Variants in PITPNM1 observed in about 807,000 individuals in gnomAD.
The protein encoded by PITPNM1 is phosphatidylinositol transfer protein membrane associated 1.
Under a neutral mutation model 133.3 loss-of-function variants are expected in PITPNM1, and 74 were observed. The observed-to-expected ratio is 0.56, with a 90% CI of 0.46 to 0.67. The LOEUF is 0.67. Among genes scored for constraint, PITPNM1 ranks in the 30% least tolerant of loss-of-function variants. The probability of loss-of-function intolerance (pLI) is 0.00; values close to 1 mark genes in which losing one functional copy is unlikely to be tolerated. For missense variants in PITPNM1, 1,398 were observed against 1,739.5 expected, an observed-to-expected ratio of 0.80 and a Z score of 3.49; for synonymous variants, 738 against 741.4, an observed-to-expected ratio of 1.00 and a Z score of 0.08.
chr11:67,493,981 G>C lies in PITPNM1; in HGVS notation c.2949C>G (p.Phe983Leu). The change falls in exon 20 of 24, where the codon TTC (phenylalanine) becomes TTG (leucine). Residue 983 changes from phenylalanine to leucine, a missense_variant. By Grantham distance (22) the Phe-to-Leu change is conservative (BLOSUM62 0). Coordinates refer to ENST00000356404, the MANE Select transcript of PITPNM1 (RefSeq NM_004910.3). ...CCAGCGCGCGTTCTGGGGGAACTGG[G>C]AAGGTGAGGCGGCCCGAGCTATTGG... ...EVTNSSGRLT[F>L]PVPPERALGI... The C allele has an allele frequency of 6.2e-7, 1 of 1,612,032 alleles. No individual in the cohort carries two copies. Among genetic ancestry groups the C allele is most frequent in the Non-Finnish European group, 8.5e-7 (1 of 1,179,604 alleles).
chr11:67,492,118 T>A lies in PITPNM1; in HGVS notation c.3650A>T (p.Glu1217Val). 1 of 1,612,112 alleles carries A rather than the reference T, an allele frequency of 6.2e-7. No homozygotes were observed. The highest frequency in any genetic ancestry group is 8.5e-7 in the Non-Finnish European group (1 of 1,179,830). The change falls in exon 24 of 24, where the codon GAG becomes GTG. Residue 1217 changes from glutamate (E) to valine (V), a missense_variant. By Grantham distance (121) the Glu-to-Val change is moderately radical. Coordinates refer to ENST00000356404, the MANE Select transcript of PITPNM1 (RefSeq NM_004910.3). Reference sequence around the variant, plus strand: ...GGGTGGTGTTCCCGGGCCCTCACGCTCCGCCTGGCTGGGGCCCCTCGAGCG... The same window carrying A: ...GGGTGGTGTTCCCGGGCCCTCACGCACCGCCTGGCTGGGGCCCCTCGAGCG... ...LLRSRGPSQAEREGPGTPPTT... is the reference protein window; with the variant it reads ...LLRSRGPSQAVREGPGTPPTT...
Position 67,494,920 on chromosome 11 carries a change from C to A in PITPNM1, c.2668G>T (p.Glu890Ter). 6.2e-7 allele frequency: 1 copy of A among 1,612,914 alleles called. No homozygotes were observed. Among genetic ancestry groups the A allele is most frequent in the Non-Finnish European group, 8.5e-7 (1 of 1,179,824 alleles). ...EKERPQLAEC[E>*]EPSIYSPAFP... ...GCCGGGCTGTAGATGGACGGCTCCT[C>A]GCATTCCGCCAGCTGTGGCCGCTCC... The change falls in exon 18 of 24, where the codon GAG becomes TAG. Residue 890 changes from glutamate (E) to a stop codon, truncating the protein, a stop_gained. Coordinates refer to ENST00000356404, the MANE Select transcript of PITPNM1 (RefSeq NM_004910.3). LOFTEE classifies it high-confidence loss of function.
At position 67,491,927 on chromosome 11, in the gene PITPNM1, G is replaced by A. The variant is rs1865936654; in HGVS notation, c.*106C>T. ...GGAGATATAGGGTGTGGGGCTGGGG[G>A]GGCCAGCGCTGGGGCCAAAAGTCTG... On this transcript the variant is annotated 3_prime_UTR_variant, in exon 24 of 24. Coordinates refer to ENST00000356404, the MANE Select transcript of PITPNM1 (RefSeq NM_004910.3). 2.4e-6 allele frequency: 3 copies of A among 1,268,516 alleles called. No homozygotes were observed. Among genetic ancestry groups the A allele is most frequent in the African/African-American group, 1.5e-5 (1 of 67,316 alleles). The allele number at this position is 1,268,516 out of a possible 1,614,324, so 78.6% of individuals were successfully genotyped here. A position where few individuals can be genotyped will look rare whatever the true frequency, so the allele number is the denominator to read the frequency against.
chr11:67,494,897 C>A lies in PITPNM1; in HGVS notation c.2691G>T (p.Pro897=). 1 of 1,612,932 alleles carries A rather than the reference C, an allele frequency of 6.2e-7. No homozygotes were observed. The change falls in exon 18 of 24, where the codon CCG becomes CCT. Residue 897 remains proline, a synonymous_variant. Coordinates refer to ENST00000356404, the MANE Select transcript of PITPNM1 (RefSeq NM_004910.3). ...GCTGCCACTTCTCCCTGGGGAAGGCCGGGCTGTAGATGGACGGCTCCTCGC... is the reference window on the plus strand; with the variant it reads ...GCTGCCACTTCTCCCTGGGGAAGGCAGGGCTGTAGATGGACGGCTCCTCGC... The part of the protein sequence containing the change: ...AECEEPSIYS[P]AFPREKWQRK...
Position 67,498,390 on chromosome 11 carries a change from G to A in PITPNM1, c.1485-68C>T, listed in dbSNP as rs1866202849. The A allele has an allele frequency of 1.4e-6, 2 of 1,443,864 alleles. No homozygotes were observed. The highest frequency in any genetic ancestry group is 1.4e-5 in the African/African-American group (1 of 70,290). 89.4% of individuals were successfully genotyped at this position (1,443,864 alleles called of 1,614,324 possible). The stretch of plus-strand genomic sequence containing the variant: ...CCACTCCTGCCATCCAAGTCCCCTG[G>A]GCCTGCTGGCAGGCCCTGGCTCTGT... On this transcript the variant is annotated intron_variant, in intron 10 of 23. Coordinates refer to ENST00000356404, the MANE Select transcript of PITPNM1 (RefSeq NM_004910.3). This position sits in a 1 kb window ranked among gnomAD's most constrained non-coding sequence, Gnocchi z 5.7.
chr11:67,494,513 T>C (rs1453631062), intron 18 of PITPNM1, among the ~76,000 whole-genome samples, 153 bp from the exon 19 acceptor site: 4 of 151,784 alleles, frequency 2.6e-5, no homozygotes, highest in Non-Finnish European at 4.4e-5. Flanking sequence ...GGGCGCACTT[T>C]TGTGGACCCC....
At chr11:67,495,954 G>A (rs1008034989) in intron 15 of PITPNM1, among the ~76,000 whole-genome samples, 2 of 152,214 alleles carry the variant, frequency 1.3e-5, no homozygotes, top group African/African-American at 4.8e-5. Context: ...CTGCCAGGGG[G>A]CACCCTCTCT....
At position 67,502,795 on chromosome 11, in the gene PITPNM1, C is replaced by A; in HGVS notation, c.79-77G>T. On this transcript the variant is annotated intron_variant, in intron 2 of 23. Transcript: ENST00000356404. This position sits in a 1 kb window ranked among gnomAD's most constrained non-coding sequence, Gnocchi z 5.9. ...GGGATCCCCAGCTCAGCCTGGTGTT[C>A]TACACAGCTCTGGGGCCCTGGTCCC... The A allele has an allele frequency of 7.0e-7, 1 of 1,432,338 alleles. No individual in the cohort carries two copies. Among genetic ancestry groups the A allele is most frequent in the South Asian group, 1.2e-5 (1 of 85,112 alleles). 88.7% of individuals were successfully genotyped at this position (1,432,338 alleles called of 1,614,324 possible). A position where few individuals can be genotyped will look rare whatever the true frequency, so the allele number is the denominator to read the frequency against.
In PITPNM1 at chr11:67,493,761, C is replaced by G; in HGVS notation, c.3085G>C (p.Gly1029Arg). 1 of 1,549,142 alleles carries G rather than the reference C, an allele frequency of 6.5e-7. No individual in the cohort carries two copies. Residue 1029 changes from glycine (G) to arginine (R), a missense_variant, in exon 21 of 24, where the codon GGC (glycine) becomes CGC (arginine). By Grantham distance (125) the Gly-to-Arg change is moderately radical. Coordinates refer to ENST00000356404, the MANE Select transcript of PITPNM1 (RefSeq NM_004910.3). ...GTEAVVFSIDGSFTASVSIMG... is the reference protein window; with the variant it reads ...GTEAVVFSIDRSFTASVSIMG... Reference sequence around the variant, plus strand: ...ATGGAGACGCTGGCGGTGAAGGAGCCGTCGATGCTGAAGACCACAGCCTCC... The same window carrying G: ...ATGGAGACGCTGGCGGTGAAGGAGCGGTCGATGCTGAAGACCACAGCCTCC...
At chr11:67,493,304 C>T (rs1865996212) in intron 22 of PITPNM1, 106 bp downstream of exon 22, 5 of 1,296,026 alleles carry the variant, frequency 3.9e-6, no homozygotes, top group Non-Finnish European at 2.1e-6. Context: ...AGGCAGGGCC[C>T]GGGCCGATCC....
Position 67,504,292 on chromosome 11 carries a change from G to A in PITPNM1, c.-41-71C>T, listed in dbSNP as rs950872188. Reference sequence around the variant, plus strand: ...CGGCCCCGAGCCCTGCGCGCCGGCCGAGGGACTCAGGCCACGGGACCCCAT... The same window carrying A: ...CGGCCCCGAGCCCTGCGCGCCGGCCAAGGGACTCAGGCCACGGGACCCCAT... On this transcript the variant is annotated intron_variant, in intron 1 of 23. Coordinates refer to ENST00000356404, the MANE Select transcript of PITPNM1 (RefSeq NM_004910.3). This position sits in a 1 kb window ranked among gnomAD's most constrained non-coding sequence, Gnocchi z 5.4. The A allele has an allele frequency of 7.5e-6, 4 of 535,126 alleles. No homozygotes were observed. The highest frequency in any genetic ancestry group is 8.0e-5 in the East Asian group (2 of 25,128). The allele number at this position is 535,126 out of a possible 1,614,324, so 33.1% of individuals were successfully genotyped here.
chr11:67,498,331 G>A lies in PITPNM1; in HGVS notation c.1485-9C>T. 6.4e-7 allele frequency: 1 copy of A among 1,553,198 alleles called. No homozygotes were observed. The highest frequency in any genetic ancestry group is 8.7e-7 in the Non-Finnish European group (1 of 1,148,728). On this transcript the variant is annotated splice_polypyrimidine_tract_variant and intron_variant, in intron 10 of 23. Transcript: ENST00000356404. The surrounding 1 kb of genome is among the most constrained non-coding windows in gnomAD (Gnocchi z 5.7). ...GGCTGTAAGGGCTCAGGCTGTAGGAGGGGGAAATGTGCGTGGGTGAGGGGC... is the reference window on the plus strand; with the variant it reads ...GGCTGTAAGGGCTCAGGCTGTAGGAAGGGGAAATGTGCGTGGGTGAGGGGC...
rs201518458 is a variant in PITPNM1 at position 67,495,185 on chromosome 11, C to G, written c.2523G>C (p.Ser841=). 103 of 1,608,986 alleles carry G rather than the reference C, an allele frequency of 6.4e-5. No homozygotes were observed. Among genetic ancestry groups the G allele is most frequent in the Non-Finnish European group, 8.4e-5 (99 of 1,178,036 alleles). Residue 841 remains serine (S), a synonymous_variant, in exon 17 of 24, where the codon TCG becomes TCC. Transcript: ENST00000356404. ...RWWGTKRIDY[S]LYCPEALTAF... ...CGGTGAGCGCCTCGGGGCAGTACAG[C>G]GAGTAGTCGATCCGCTTGGTCCCCC...
chr11:67,502,196 G>C lies in PITPNM1; in HGVS notation c.415+96C>G. The stretch of plus-strand genomic sequence containing the variant: ...CCGTCCTTTTGCAGACAGGACATGA[G>C]GCCTGGAGAGGGCTGGGACTTCTCA... On this transcript the variant is annotated intron_variant, in intron 4 of 23. Transcript: ENST00000356404. The surrounding 1 kb of genome is among the most constrained non-coding windows in gnomAD (Gnocchi z 5.9). The C allele has an allele frequency of 1.3e-6, 2 of 1,562,630 alleles. No individual in the cohort carries two copies. Among genetic ancestry groups the C allele is most frequent in the Non-Finnish European group, 1.7e-6 (2 of 1,149,200 alleles).
Position 67,502,428 on chromosome 11 carries a change from C to T in PITPNM1, c.294-15G>A, listed in dbSNP as rs369875935. 1.9e-5 allele frequency: 30 copies of T among 1,613,696 alleles called. No individual in the cohort carries two copies. Among genetic ancestry groups the T allele is most frequent in the African/African-American group, 1.1e-4 (8 of 74,946 alleles). ...GGCAGGTGTACCTGGGCAGAAGGCACGGGTGAGGCTCACTGCTGTACCCAC... is the reference window on the plus strand; with the variant it reads ...GGCAGGTGTACCTGGGCAGAAGGCATGGGTGAGGCTCACTGCTGTACCCAC... On this transcript the variant is annotated splice_polypyrimidine_tract_variant and intron_variant, in intron 3 of 23. Coordinates refer to ENST00000356404, the MANE Select transcript of PITPNM1 (RefSeq NM_004910.3). This position sits in a 1 kb window ranked among gnomAD's most constrained non-coding sequence, Gnocchi z 5.9.
rs1453988328 is a variant in PITPNM1, at chr11:67,493,847, A to ACGGGGCGGGGCGTGAGTGGCG, written c.3009-31_3009-11dup. 9 of 1,536,450 alleles carry ACGGGGCGGGGCGTGAGTGGCG rather than the reference A, an allele frequency of 5.9e-6. No homozygotes were observed. Among genetic ancestry groups the ACGGGGCGGGGCGTGAGTGGCG allele is most frequent in the Admixed American group, 2.0e-5 (1 of 49,968 alleles). On this transcript the variant is annotated splice_polypyrimidine_tract_variant and intron_variant, in intron 20 of 23. Coordinates refer to ENST00000356404, the MANE Select transcript of PITPNM1 (RefSeq NM_004910.3). ...ATAGGTGTGGTCGCCCCTGCGGCCCACGGGGCGGGGCGTGAGTGGCGCGGG... is the reference window on the plus strand; with the variant it reads ...ATAGGTGTGGTCGCCCCTGCGGCCCACGGGGCGGGGCGTGAGTGGCGCGGGGCGGGGCGTGAGTGGCGCGGG...
Position 67,499,109 on chromosome 11 carries a change from T to C in PITPNM1, c.1172-108A>G, listed in dbSNP as rs1003039161. On this transcript the variant is annotated intron_variant, in intron 8 of 23. Transcript: ENST00000356404. ...GCATCTGCCTGAGGCCCCCAGTCCC[T>C]ACCTTCCTCCAAACTTCTCCTCCCA... 7 of 1,086,328 alleles carry C rather than the reference T, an allele frequency of 6.4e-6. No homozygotes were observed. In the African/African-American group the frequency reaches 9.5e-5, roughly 15 times the overall value. 67.3% of individuals were successfully genotyped at this position (1,086,328 alleles called of 1,614,324 possible).
chr11:67,497,066 C>T (rs1054929600), intron 14 of PITPNM1, 165 bp downstream of exon 14: 25 of 571,126 alleles, frequency 4.4e-5, no homozygotes, highest in South Asian at 6.5e-5. Context: ...TCACCCTTGG[C>T]GAGTCCCTTC....
chr11:67,491,813 A>G lies in PITPNM1; in HGVS notation c.*220T>C. The stretch of plus-strand genomic sequence containing the variant: ...TTTTCATGGATTTATACACACTGGA[A>G]AAGCCTCTGCGCCCATGCCCACGCC... On this transcript the variant is annotated 3_prime_UTR_variant, in exon 24 of 24. Coordinates refer to ENST00000356404, the MANE Select transcript of PITPNM1 (RefSeq NM_004910.3). The G allele has an allele frequency of 1.7e-6, 1 of 582,006 alleles. No homozygotes were observed. 36.1% of individuals were successfully genotyped at this position (582,006 alleles called of 1,614,324 possible). A position where few individuals can be genotyped will look rare whatever the true frequency, so the allele number is the denominator to read the frequency against.
Sources: gnomAD v4.1 joint callset for allele counts (sites outside exome capture counted in the v4.1 genomes callset) on GRCh38, gnomAD v4.1.1 for gene constraint, Gnocchi (gnomAD v3.1) non-coding constraint, MANE v1.5 for transcripts, NCBI Gene and HGNC (gene_info 2026-07-23, HGNC 2026-07-21) for gene names.